DAB1: variants seen among roughly 807,000 people sequenced by gnomAD.
DAB1 encodes the protein disabled homolog 1.
DAB1 carries 15 observed loss-of-function variants against 64.6 expected under a neutral mutation model. The ratio of observed to expected loss-of-function variants is 0.23; its 90% CI spans 0.16 to 0.36. The LOEUF is 0.36. Among genes scored for constraint, DAB1 ranks in the 10% least tolerant of loss-of-function variants. The pLI, the probability that DAB1 is intolerant of heterozygous loss-of-function variation, is 1.00. For synonymous variants in DAB1, 235 were observed against 251.9 expected (o/e 0.93, Z 0.64); for missense variants, 596 against 706.7 (o/e 0.84, Z 1.78).
chr1:58,392,165 C>T (rs1334771978), intron 3 of DAB1, among the ~76,000 whole-genome samples: 7 of 152,094 alleles, frequency 4.6e-5, no homozygotes, highest in Non-Finnish European at 1.0e-4. Flanking sequence ...GAGCTAAGCG[C>T]AGAGTTGAGG....
chr1:57,964,775 A>G (rs1645612720), intron 5 of DAB1, among the ~76,000 whole-genome samples: 1 of 152,176 alleles, frequency 6.6e-6, no homozygotes, highest in African/African-American at 2.4e-5. Context: ...AGAGCCTGGG[A>G]CACAGCAGAA....
chr1:57,429,460 G>A (rs2101111688), intron 7 of DAB1, among the ~76,000 whole-genome samples: 1 of 152,044 alleles, frequency 6.6e-6, no homozygotes, highest in South Asian at 2.1e-4. Flanking sequence ...TTTTTTTGAT[G>A]GTTTCCTTTG....
intron 1 of DAB1, among the ~76,000 whole-genome samples, chr1:57,378,924 T>G (rs1004793498): frequency 7.2e-5 from 11 of 152,182 alleles, no homozygotes; most frequent in African/African-American, 2.7e-4. Context: ...TTTGATTAGC[T>G]TCTCTTCTAA....
intron 4 of DAB1, among the ~76,000 whole-genome samples, chr1:58,213,085 T>C (rs1658639903): frequency 6.6e-6 from 1 of 152,164 alleles, no homozygotes; most frequent in Admixed American, 6.6e-5. Flanking sequence ...AGGTAAGGAC[T>C]TGATGTTAGA....
intron 4 of DAB1, among the ~76,000 whole-genome samples, chr1:58,161,448 T>C (rs1655530799): frequency 6.6e-6 from 1 of 152,132 alleles, no homozygotes; most frequent in Non-Finnish European, 1.5e-5. Context: ...TCACAAAGGT[T>C]TGGAAGAACA....
chr1:58,260,430 C>A (rs1240019114), intron 4 of DAB1, among the ~76,000 whole-genome samples: 1 of 152,186 alleles, frequency 6.6e-6, no homozygotes, highest in Admixed American at 6.5e-5. Context: ...CCACCACTAT[C>A]ACCTCTTCTC....
chr1:57,208,362 T>G (rs1665754279), intron 2 of DAB1, among the ~76,000 whole-genome samples: 2 of 152,172 alleles, frequency 1.3e-5, no homozygotes, highest in African/African-American at 2.4e-5. Context: ...CTATGAGCAG[T>G]TAGCACTGGA....
intron 1 of DAB1, among the ~76,000 whole-genome samples, chr1:57,402,841 C>T (rs547747382): frequency 1.3e-5 from 2 of 152,154 alleles, no homozygotes; most frequent in Admixed American, 6.5e-5. Context: ...AGGACCCTTC[C>T]TCTGAATAAA....
At chr1:57,307,537 C>T (rs564966301) in intron 1 of DAB1, among the ~76,000 whole-genome samples, 3 of 151,274 alleles carry the variant, frequency 2.0e-5, no homozygotes, top group Non-Finnish European at 3.0e-5. Flanking sequence ...CTTCTCCATC[C>T]GCTGAGTCTA....
In DAB1 at chr1:57,322,163, C is replaced by T. The variant is rs552184111; in HGVS notation, c.-136-30997G>A. Among the ~76,000 whole-genome samples, 194 of 152,304 alleles carry T rather than the reference C, an allele frequency of 1.3e-3. 2 individuals carry two copies. Among genetic ancestry groups the T allele is most frequent in the African/African-American group, 4.5e-3 (185 of 41,564 alleles). ...CTTGCCACATCCTCTTTTCTCCAGGCATTCATTTGAATATACCTCCCTCCC... is the reference window on the plus strand; with the variant it reads ...CTTGCCACATCCTCTTTTCTCCAGGTATTCATTTGAATATACCTCCCTCCC... On this transcript the variant is annotated intron_variant, in intron 1 of 14. Transcript: ENST00000371236.
At chr1:58,525,331 T>C (rs1381683463) in intron 2 of DAB1, among the ~76,000 whole-genome samples, 1 of 152,106 alleles carries the variant, frequency 6.6e-6, no homozygotes, top group African/African-American at 2.4e-5. Context: ...TATAAGTGGA[T>C]CTACACAGCT....
At chr1:57,643,615 G>C (rs1358548166) in intron 7 of DAB1, among the ~76,000 whole-genome samples, 1 of 152,072 alleles carries the variant, frequency 6.6e-6, no homozygotes, top group South Asian at 2.1e-4. Flanking sequence ...CATTTCTTCA[G>C]CTTCTTCAAG....
chr1:57,122,269 C>G lies in DAB1; in HGVS notation c.306+14274G>C, dbSNP rs528935929. Among the ~76,000 whole-genome samples the G allele has an allele frequency of 2.3e-4, 35 of 152,242 alleles. No homozygotes were observed. In the South Asian group the frequency reaches 7.3e-3, roughly 32 times the overall value. On this transcript the variant is annotated intron_variant, in intron 4 of 14. Transcript: ENST00000371236. ...AGGCTTCTCTGATTCATCTTCATAT[C>G]CCAGTGCCTGGTACACATTGGATGC...
intron 5 of DAB1, among the ~76,000 whole-genome samples, chr1:58,021,209 A>T (rs1011241305): frequency 2.6e-5 from 4 of 152,226 alleles, no homozygotes; most frequent in Non-Finnish European, 4.4e-5. Flanking sequence ...TGGACACTGG[A>T]AGTCCCTCCA....
At chr1:57,103,288 A>C (rs1480845503) in intron 4 of DAB1, among the ~76,000 whole-genome samples, 1 of 152,138 alleles carries the variant, frequency 6.6e-6, no homozygotes, top group Non-Finnish European at 1.5e-5. Context: ...CTTACACGTC[A>C]CTGCAGATGT....
intron 3 of DAB1, among the ~76,000 whole-genome samples, chr1:58,465,815 G>A (rs1051099973): frequency 9.2e-5 from 14 of 152,258 alleles, no homozygotes; most frequent in Middle Eastern, 3.4e-3. Flanking sequence ...ACTTACCCAC[G>A]AGGAAACTGG....
intron 6 of DAB1, among the ~76,000 whole-genome samples, chr1:57,813,996 G>T (rs1230776374): frequency 6.6e-6 from 1 of 152,106 alleles, no homozygotes; most frequent in Non-Finnish European, 1.5e-5. Flanking sequence ...GAACTTTTTG[G>T]ATGTCCAATT....
chr1:57,326,965 T>G (rs1284274725), intron 1 of DAB1, among the ~76,000 whole-genome samples: 1 of 151,856 alleles, frequency 6.6e-6, no homozygotes, highest in Non-Finnish European at 1.5e-5. Flanking sequence ...TTGAGACAGG[T>G]TTGCACTCTG....
intron 1 of DAB1, among the ~76,000 whole-genome samples, chr1:57,343,342 G>A (rs186091433): frequency 1.3e-3 from 191 of 152,294 alleles, no homozygotes; most frequent in African/African-American, 4.5e-3. Flanking sequence ...GCTAGACATA[G>A]AGGTTCTCCA....
Sources: allele counts gnomAD v4.1 joint callset (sites outside exome capture counted in the v4.1 genomes callset), GRCh38; gene constraint gnomAD v4.1.1; transcripts MANE v1.5; gene names NCBI Gene and HGNC (gene_info 2026-07-23, HGNC 2026-07-21).